The following PRKAR2A variants were observed in gnomAD, a reference collection of about 807,000 sequenced individuals.
PRKAR2A encodes the protein protein kinase cAMP-dependent type II regulatory subunit alpha, also known as cAMP-dependent protein kinase type II-alpha regulatory subunit.
PRKAR2A carries 29 observed loss-of-function variants against 51.9 expected under a neutral mutation model. The ratio of observed to expected loss-of-function variants is 0.56; its 90% CI spans 0.42 to 0.76. The LOEUF (loss-of-function observed/expected upper bound fraction) is 0.76. Ranked by LOEUF, PRKAR2A falls within the 30% of genes least tolerant of loss-of-function variation. The pLI is 0.00. For missense variants in PRKAR2A, 445 were observed against 512.1 expected (o/e 0.87, Z 1.26); for synonymous variants, 178 against 186.2 (o/e 0.96, Z 0.36).
chr3:48,781,740 T>G (rs1411819553), intron 5 of PRKAR2A, among the ~76,000 whole-genome samples: 1 of 151,752 alleles, frequency 6.6e-6, no homozygotes, highest in African/African-American at 2.4e-5. Flanking sequence ...CTCGAACTCC[T>G]GACCTCGTGA....
chr3:48,754,463 C>A (rs1488977966), intron 9 of PRKAR2A, among the ~76,000 whole-genome samples: 1 of 151,956 alleles, frequency 6.6e-6, no homozygotes, highest in Non-Finnish European at 1.5e-5. Flanking sequence ...TCTCAAAGAT[C>A]TACTTTTAAT....
chr3:48,845,619 G>C lies in PRKAR2A; in HGVS notation c.262+1716C>G, dbSNP rs184772491. Among the ~76,000 whole-genome samples the C allele has an allele frequency of 6.6e-5, 10 of 152,310 alleles. No homozygotes were observed. The East Asian group carries it at 1.7e-3, about 26-fold the overall frequency. On this transcript the variant is annotated intron_variant, in intron 1 of 10. Transcript: ENST00000265563. ...TGAAGCAACCAAGGAAACTGTAATA[G>C]CTTCTTAACACTCTTGCGTAGATCA...
At chr3:48,837,629 C>A (rs1221658444) in intron 1 of PRKAR2A, among the ~76,000 whole-genome samples, 1 of 152,124 alleles carries the variant, frequency 6.6e-6, no homozygotes, top group African/African-American at 2.4e-5. Flanking sequence ...AGAACTTGTA[C>A]ACACAAATAT....
intron 6 of PRKAR2A, among the ~76,000 whole-genome samples, chr3:48,772,125 T>C (rs1042117451): frequency 6.6e-6 from 1 of 152,200 alleles, no homozygotes; most frequent in East Asian, 1.9e-4. Context: ...AGTCTTCCTA[T>C]GTTTGCTCTA....
At chr3:48,838,183 A>AAAC (rs368356169) in intron 1 of PRKAR2A, among the ~76,000 whole-genome samples, 1 of 152,006 alleles carries the variant, frequency 6.6e-6, no homozygotes. Context: ...GCTCAAAAAA[A>AAAC]AACAACAACA....
At chr3:48,757,160 T>TAC (rs2081784471) in intron 8 of PRKAR2A, among the ~76,000 whole-genome samples, 1 of 151,906 alleles carries the variant, frequency 6.6e-6, no homozygotes, top group African/African-American at 2.4e-5. Flanking sequence ...GAGGGAGAGG[T>TAC]ACTTCACCAA....
chr3:48,801,816 A>G (rs1403817014), intron 2 of PRKAR2A, among the ~76,000 whole-genome samples: 1 of 151,500 alleles, frequency 6.6e-6, no homozygotes, highest in Non-Finnish European at 1.5e-5. Flanking sequence ...AGTTCACTAT[A>G]ACCTCCGTCT....
rs2081629243 is a variant in PRKAR2A at position 48,750,383 on chromosome 3, A to C, written c.*1202T>G. ...CGTCTCAAAAAGAAAACAAAAAAAA[A>C]ATTTTTGTTTTTGTAGAGACAGGAT... On this transcript the variant is annotated 3_prime_UTR_variant, in exon 11 of 11. Coordinates refer to ENST00000265563, the MANE Select transcript of PRKAR2A (RefSeq NM_004157.4). 1 of 152,594 alleles carries C rather than the reference A, an allele frequency of 6.6e-6. No individual in the cohort carries two copies. The highest frequency in any genetic ancestry group is 1.5e-5 in the Non-Finnish European group (1 of 68,476). The allele number at this position is 152,594 out of a possible 1,614,324, so 9.5% of individuals were successfully genotyped here.
rs148783436 is a variant in PRKAR2A, at chr3:48,827,199, G to C, written c.263-19515C>G. ...GCTGAGAAACCAACCAACTAGTTGAGCATTGGATGCTTGGTCTAGAAATGC... is the reference window on the plus strand; with the variant it reads ...GCTGAGAAACCAACCAACTAGTTGACCATTGGATGCTTGGTCTAGAAATGC... On this transcript the variant is annotated intron_variant, in intron 1 of 10. Coordinates refer to ENST00000265563, the MANE Select transcript of PRKAR2A (RefSeq NM_004157.4). Among the ~76,000 whole-genome samples, 193 of 152,096 alleles carry C rather than the reference G, an allele frequency of 1.3e-3. No homozygotes were observed. The Middle Eastern group carries it at 0.024, about 19-fold the overall frequency.
intron 4 of PRKAR2A, among the ~76,000 whole-genome samples, chr3:48,786,128 GTT>G (rs566059607): frequency 1.5e-5 from 2 of 135,356 alleles, no homozygotes; most frequent in Non-Finnish European, 1.6e-5. Context: ...GTTTTTTTTT[GTT>G]TTTTTTTTTT....
At chr3:48,817,302 G>T (rs2082889111) in intron 1 of PRKAR2A, among the ~76,000 whole-genome samples, 1 of 149,018 alleles carries the variant, frequency 6.7e-6, no homozygotes, top group Non-Finnish European at 1.5e-5. Context: ...ACTCCATCCT[G>T]GTGACACAGC....
intron 1 of PRKAR2A, among the ~76,000 whole-genome samples, chr3:48,825,023 CTTTTCTT>C (rs1309591484): frequency 7.9e-6 from 1 of 127,108 alleles, no homozygotes; most frequent in Non-Finnish European, 1.6e-5. Context: ...TACTGATTTT[CTTTTCTT>C]TTTTTTTTTT....
chr3:48,772,777 A>ACTACACATGCCCACCACCACACCTGG (rs2082046911), intron 6 of PRKAR2A, among the ~76,000 whole-genome samples, 178 bp downstream of exon 6: 1 of 152,130 alleles, frequency 6.6e-6, no homozygotes, highest in South Asian at 2.1e-4. Context: ...ACTAGCTGGG[A>ACTACACATGCCCACCACCACACCTGG]CTACACATGC....
intron 8 of PRKAR2A, among the ~76,000 whole-genome samples, chr3:48,757,777 C>T (rs1469537033): frequency 6.6e-6 from 1 of 151,916 alleles, no homozygotes; most frequent in African/African-American, 2.4e-5. Flanking sequence ...AAAAACAGGC[C>T]AGGTGTGGTG....
rs1454932183 is a variant in PRKAR2A at position 48,847,717 on chromosome 3, G to T, written c.-121C>A. 9.8e-7 allele frequency: 1 copy of T among 1,020,060 alleles called. No homozygotes were observed. The highest frequency in any genetic ancestry group is 1.3e-6 in the Non-Finnish European group (1 of 761,236). 63.2% of individuals were successfully genotyped at this position (1,020,060 alleles called of 1,614,324 possible). On this transcript the variant is annotated 5_prime_UTR_variant, in exon 1 of 11. Transcript: ENST00000265563. The surrounding 1 kb of genome is among the most constrained non-coding windows in gnomAD (Gnocchi z 4.4). ...CTCTTCGCGCACGGCCCCGGCTCAC[G>T]TCGCGCCGCTCTTTGGCCGGCTCTG...
intron 9 of PRKAR2A, among the ~76,000 whole-genome samples, chr3:48,754,301 G>A (rs1464653736): frequency 6.7e-6 from 1 of 149,696 alleles, no homozygotes; most frequent in Non-Finnish European, 1.5e-5. Context: ...GCAATGGTGC[G>A]ATCTCAGCTC....
chr3:48,752,136 G>T, intron 10 of PRKAR2A, 40 bp downstream of exon 10: 1 of 1,587,948 alleles, frequency 6.3e-7, no homozygotes. Flanking sequence ...AATATTACAT[G>T]TTAGAAAAAG....
At chr3:48,811,888 C>T (rs1409216920) in intron 1 of PRKAR2A, among the ~76,000 whole-genome samples, 2 of 151,942 alleles carry the variant, frequency 1.3e-5, no homozygotes, top group African/African-American at 4.8e-5. Context: ...TTGAATGATT[C>T]CATTTATGTA....
intron 3 of PRKAR2A, among the ~76,000 whole-genome samples, chr3:48,792,527 T>C (rs1465165829): frequency 1.4e-5 from 2 of 139,798 alleles, no homozygotes; most frequent in Non-Finnish European, 3.1e-5. Flanking sequence ...AGTGGCGTGA[T>C]CTCAGCTCAC....
Sources: allele counts gnomAD v4.1 joint callset (sites outside exome capture counted in the v4.1 genomes callset), GRCh38; gene constraint gnomAD v4.1.1; non-coding constraint Gnocchi (gnomAD v3.1); transcripts MANE v1.5; gene names NCBI Gene and HGNC (gene_info 2026-07-23, HGNC 2026-07-21).